FOXP2: variants seen among roughly 807,000 people sequenced by gnomAD.
FOXP2 encodes the protein forkhead box protein P2.
A neutral mutation model predicts 115.8 loss-of-function variants in FOXP2; 12 were observed. The ratio of observed to expected loss-of-function variants is 0.10; its 90% confidence interval spans 0.07 to 0.17. FOXP2 has a LOEUF of 0.17. FOXP2 is among the 10% of genes least tolerant of loss of function. The pLI is 1.00. For synonymous variants in FOXP2, 328 were observed against 297.7 expected (o/e 1.10, Z -1.05); for missense variants, 629 against 843.5 (o/e 0.75, Z 3.15).
intron 2 of FOXP2, among the ~76,000 whole-genome samples, chr7:114,295,074 T>G (rs1796710026): frequency 6.6e-6 from 1 of 152,158 alleles, no homozygotes. Context: ...ATGTTTATAG[T>G]TTTAAACTTG....
chr7:114,484,349 G>A (rs1562953591), intron 2 of FOXP2, among the ~76,000 whole-genome samples: 2 of 151,756 alleles, frequency 1.3e-5, no homozygotes. Flanking sequence ...CTACAAAACA[G>A]GAAGCTAAAA....
At chr7:114,259,934 G>T (rs1795707181) in intron 1 of FOXP2, among the ~76,000 whole-genome samples, 1 of 151,986 alleles carries the variant, frequency 6.6e-6, no homozygotes, top group Admixed American at 6.6e-5. Flanking sequence ...CTGTCACCCA[G>T]GCTGGAGTGC....
At chr7:114,145,431 T>TTTTTCCCTTTTCTTTTCTTTTCTTTTC (rs1191856382) in intron 1 of FOXP2, among the ~76,000 whole-genome samples, 3 of 100,446 alleles carry the variant, frequency 3.0e-5, no homozygotes, top group Non-Finnish European at 6.5e-5. Context: ...GCTTTGCCAT[T>TTTTTCCCTTTTCTTTTCTTTTCTTTTC]TTTTCTTTTC....
chr7:114,637,663 AT>A (rs1421611488), intron 6 of FOXP2, among the ~76,000 whole-genome samples: 2 of 152,178 alleles, frequency 1.3e-5, no homozygotes, highest in African/African-American at 4.8e-5. Flanking sequence ...AAGGCAGATG[AT>A]AAATAAGTTA....
chr7:114,234,735 C>T (rs1354069267), intron 1 of FOXP2, among the ~76,000 whole-genome samples: 1 of 152,196 alleles, frequency 6.6e-6, no homozygotes, highest in Admixed American at 6.5e-5. Flanking sequence ...CTACTCTAAT[C>T]TGGCTCACTG....
At chr7:114,575,367 C>A (rs1801519606) in intron 3 of FOXP2, among the ~76,000 whole-genome samples, 1 of 151,782 alleles carries the variant, frequency 6.6e-6, no homozygotes, top group African/African-American at 2.4e-5. Flanking sequence ...ATGAAAGAGT[C>A]AATTCTGTTG....
At position 114,689,979 on chromosome 7, in the gene FOXP2, CCA is replaced by C. The variant is rs1479651261; in HGVS notation, c.*55_*56del. The C allele has an allele frequency of 6.2e-7, 1 of 1,601,274 alleles. No individual in the cohort carries two copies. Among genetic ancestry groups the C allele is most frequent in the Non-Finnish European group, 8.5e-7 (1 of 1,171,380 alleles). On this transcript the variant is annotated 3_prime_UTR_variant, in exon 17 of 17. Transcript: ENST00000350908. ...AGGGACATATCACTGACCTTCATAA[CCA>C]CTCCACAACCATGAATATTTGACAA...
At chr7:114,440,507 A>T (rs761272652) in intron 2 of FOXP2, among the ~76,000 whole-genome samples, 4 of 152,180 alleles carry the variant, frequency 2.6e-5, no homozygotes, top group Non-Finnish European at 4.4e-5. Flanking sequence ...ATTTATTTGA[A>T]AGCCTTAAAG....
intron 1 of FOXP2, among the ~76,000 whole-genome samples, chr7:114,177,705 T>G (rs1793353306): frequency 6.6e-6 from 1 of 152,074 alleles, no homozygotes; most frequent in Admixed American, 6.6e-5. Context: ...TTGTATATAT[T>G]TATGGTGTAT....
chr7:114,272,023 T>G (rs924117734), intron 1 of FOXP2, among the ~76,000 whole-genome samples: 21 of 138,504 alleles, frequency 1.5e-4, no homozygotes, highest in African/African-American at 5.6e-4. Flanking sequence ...ATAATATTAA[T>G]AAATAATAAT....
intron 1 of FOXP2, among the ~76,000 whole-genome samples, chr7:114,420,731 A>T (rs1039738865): frequency 6.6e-6 from 1 of 151,808 alleles, no homozygotes; most frequent in Non-Finnish European, 1.5e-5. Flanking sequence ...AACTTTCCCT[A>T]AGCTTCCTAT....
intron 3 of FOXP2, chr7:114,561,254 C>G (rs1223532025): frequency 1.3e-5 from 2 of 152,140 alleles, no homozygotes; most frequent in African/African-American, 4.8e-5. Flanking sequence ...TCTATGTTAA[C>G]TTTGAGTTGG....
chr7:114,565,847 G>A (rs1480459006), intron 3 of FOXP2, among the ~76,000 whole-genome samples: 1 of 152,068 alleles, frequency 6.6e-6, no homozygotes. Context: ...CGTAATCTCT[G>A]GTTCTTGTTG....
At chr7:114,454,770 C>T (rs1441756851) in intron 2 of FOXP2, among the ~76,000 whole-genome samples, 2 of 130,132 alleles carry the variant, frequency 1.5e-5, no homozygotes, top group African/African-American at 6.3e-5. Context: ...ATCACAAGAA[C>T]AAAAAACCAA....
chr7:114,327,801 C>CTTTTG (rs3997271), intron 2 of FOXP2, among the ~76,000 whole-genome samples: 71,748 of 149,978 alleles, frequency 0.48, 18,851 homozygotes, highest in Middle Eastern at 0.6. Context: ...CGCCTGGCCT[C>CTTTTG]TTTTGTTTTG....
intron 2 of FOXP2, among the ~76,000 whole-genome samples, chr7:114,344,986 G>C (rs1291650480): frequency 6.6e-6 from 1 of 151,242 alleles, no homozygotes; most frequent in Non-Finnish European, 1.5e-5. Flanking sequence ...AAAAAGAATT[G>C]TATAAATGGA....
intron 1 of FOXP2, among the ~76,000 whole-genome samples, chr7:114,208,931 G>A (rs1448005697): frequency 1.3e-5 from 2 of 152,022 alleles, no homozygotes; most frequent in African/African-American, 4.8e-5. Context: ...CATCAGTAGT[G>A]TGAAAACAGA....
At chr7:114,516,760 A>G (rs938419085) in intron 2 of FOXP2, among the ~76,000 whole-genome samples, 1 of 151,936 alleles carries the variant, frequency 6.6e-6, no homozygotes, top group African/African-American at 2.4e-5. Flanking sequence ...CAGTGGCGCA[A>G]TCTCTGCTCA....
At position 114,110,278 on chromosome 7, in the gene FOXP2, A is replaced by G. The variant is rs1424957355; in HGVS notation, c.-247+22440A>G. Among the ~76,000 whole-genome samples the G allele has an allele frequency of 2.0e-5, 3 of 152,308 alleles. No individual in the cohort carries two copies. The East Asian group carries it at 5.8e-4, about 29-fold the overall frequency. On this transcript the variant is annotated intron_variant, in intron 1 of 19. Coordinates refer to the FOXP2 transcript ENST00000635638. ...TTCCAAAATGCATTCATTTTCACAG[A>G]GAAACTTAGGATCTTGAATTGAACT...
Sources: gnomAD v4.1 joint callset for allele counts (sites outside exome capture counted in the v4.1 genomes callset) on GRCh38, gnomAD v4.1.1 for gene constraint, MANE v1.5 for transcripts, NCBI Gene and HGNC (gene_info 2026-07-23, HGNC 2026-07-21) for gene names.